ME1: variants seen among roughly 807,000 people sequenced by gnomAD.
The protein encoded by ME1 is NADP-dependent malic enzyme.
In ME1, 74 loss-of-function variants were observed where a neutral mutation model predicts 66.4. The observed-to-expected ratio is 1.11, with a 90% CI of 0.92 to 1.35. The LOEUF (loss-of-function observed/expected upper bound fraction) is 1.35. ME1 is among the 40% of genes most tolerant of loss of function. The pLI is 0.00. For missense variants in ME1, 750 were observed against 694.1 expected (o/e 1.08, Z -0.90); for synonymous variants, 251 against 235.6 (o/e 1.07, Z -0.60).
intron 2 of ME1, among the ~76,000 whole-genome samples, chr6:83,406,971 T>TACAC (rs59788379): frequency 0.062 from 8,855 of 143,890 alleles, 287 homozygotes; most frequent in Admixed American, 0.098. Flanking sequence ...TTTTCATTCA[T>TACAC]ACACACACAC....
chr6:83,247,696 G>A (rs1034430535), intron 7 of ME1, among the ~76,000 whole-genome samples: 3 of 152,028 alleles, frequency 2.0e-5, no homozygotes, highest in African/African-American at 7.2e-5. Context: ...AAGAACATAA[G>A]GTTAAAAAGG....
At chr6:83,243,060 C>T (rs902219919) in intron 7 of ME1, among the ~76,000 whole-genome samples, 1 of 151,718 alleles carries the variant, frequency 6.6e-6, no homozygotes, top group Non-Finnish European at 1.5e-5. Context: ...GGATTTGAGA[C>T]CAGCCTGGGC....
chr6:83,237,279 G>GAAA (rs58047261), intron 9 of ME1, among the ~76,000 whole-genome samples: 1,216 of 50,376 alleles, frequency 0.024, 86 homozygotes, highest in African/African-American at 0.037. Context: ...AAGAAAGAAA[G>GAAA]GAAGGAAGGA....
chr6:83,423,165 G>GA (rs1020090389), intron 1 of ME1, among the ~76,000 whole-genome samples: 1 of 146,750 alleles, frequency 6.8e-6, no homozygotes, highest in Non-Finnish European at 1.5e-5. Flanking sequence ...TTCTCATCAG[G>GA]AAAAAGAAAG....
In ME1 at chr6:83,346,221, A is replaced by T; in HGVS notation, c.552T>A (p.Asn184Lys). 1.2e-6 allele frequency: 2 copies of T among 1,611,978 alleles called. No homozygotes were observed. The highest frequency in any genetic ancestry group is 1.7e-6 in the Non-Finnish European group (2 of 1,178,776). Residue 184 changes from asparagine (N) to lysine (K), a missense_variant, in exon 5 of 14, where the codon AAT (asparagine) becomes AAA (lysine). Transcript: ENST00000369705. ...LALYTACGGM[N>K]PQECLPVILD... ...GAATGACAGGCAGACATTCTTGAGG[A>T]TTCATCCCTCCGCAAGCTGTATATA...
rs70987744 is a variant in ME1 at position 83,283,248 on chromosome 6, A to AAAG, written c.705-29511_705-29510insCTT. Among the ~76,000 whole-genome samples, 49 of 139,664 alleles carry AAAG rather than the reference A, an allele frequency of 3.5e-4. 3 individuals are homozygous for AAAG. Among genetic ancestry groups the AAAG allele is most frequent in the African/African-American group, 7.4e-4 (26 of 35,104 alleles). 91.6% of individuals were successfully genotyped at this position (139,664 alleles called of 152,430 possible). A position where few individuals can be genotyped will look rare whatever the true frequency, so the allele number is the denominator to read the frequency against. The stretch of plus-strand genomic sequence containing the variant: ...GTCTCAAAAAAAAAAAAAAAAAAAA[A>AAAG]TGATGAGTTCATGTCCTTTGCAGGG... On this transcript the variant is annotated intron_variant, in intron 6 of 13. Coordinates refer to ENST00000369705, the MANE Select transcript of ME1 (RefSeq NM_002395.6).
At chr6:83,422,092 G>C (rs747399054) in intron 1 of ME1, among the ~76,000 whole-genome samples, 2 of 152,134 alleles carry the variant, frequency 1.3e-5, no homozygotes, top group Admixed American at 6.6e-5. Context: ...GAACTCATGA[G>C]AGCAATCCCA....
chr6:83,315,227 C>G (rs542889559), intron 6 of ME1, 83 bp downstream of exon 6: 1 of 771,964 alleles, frequency 1.3e-6, no homozygotes. Context: ...ATTATTAAAC[C>G]ATATTGCATA....
At chr6:83,239,480 C>A (rs1790472074) in intron 8 of ME1, 59 bp downstream of exon 8, 5 of 1,147,994 alleles carry the variant, frequency 4.4e-6, no homozygotes, top group Non-Finnish European at 6.5e-6. Flanking sequence ...AGTTAATGAG[C>A]AATTAACACT....
chr6:83,348,405 G>A (rs564658270), intron 4 of ME1, among the ~76,000 whole-genome samples: 59 of 152,114 alleles, frequency 3.9e-4, no homozygotes, highest in African/African-American at 1.3e-3. Context: ...TCTTTACATA[G>A]GTAAAGTCCA....
chr6:83,429,160 G>A (rs1770432736), intron 1 of ME1, among the ~76,000 whole-genome samples: 1 of 152,172 alleles, frequency 6.6e-6, no homozygotes, highest in African/African-American at 2.4e-5. Flanking sequence ...CTACTCGGGA[G>A]GCTGAGGCAG....
chr6:83,279,223 G>T (rs1329494131), intron 6 of ME1, among the ~76,000 whole-genome samples: 1 of 152,116 alleles, frequency 6.6e-6, no homozygotes, highest in African/African-American at 2.4e-5. Context: ...ACAAAACCCA[G>T]CATATTAAAG....
chr6:83,262,845 T>G (rs1459505649), intron 6 of ME1, among the ~76,000 whole-genome samples: 2 of 152,182 alleles, frequency 1.3e-5, no homozygotes, highest in Non-Finnish European at 2.9e-5. Context: ...GTAAGATACC[T>G]TCTATCTTAT....
chr6:83,256,739 C>T (rs377406754), intron 6 of ME1, among the ~76,000 whole-genome samples: 1 of 152,066 alleles, frequency 6.6e-6, no homozygotes, highest in African/African-American at 2.4e-5. Flanking sequence ...GACACACGCA[C>T]ATGTATGTTT....
intron 3 of ME1, among the ~76,000 whole-genome samples, chr6:83,371,096 A>G (rs1200783670): frequency 6.6e-6 from 1 of 152,130 alleles, no homozygotes; most frequent in African/African-American, 2.4e-5. Context: ...CATTAATACA[A>G]CTTTCATTAA....
intron 6 of ME1, among the ~76,000 whole-genome samples, chr6:83,285,142 G>C (rs1192012599): frequency 6.6e-6 from 1 of 152,026 alleles, no homozygotes; most frequent in Non-Finnish European, 1.5e-5. Flanking sequence ...TGATTAATAC[G>C]ACAACCTTAA....
At chr6:83,234,795 G>A (rs1790366990) in intron 9 of ME1, among the ~76,000 whole-genome samples, 1 of 152,072 alleles carries the variant, frequency 6.6e-6, no homozygotes, top group African/African-American at 2.4e-5. Flanking sequence ...CTCATCTTCA[G>A]GGTTCGGAAA....
At chr6:83,259,468 A>G (rs1766842144) in intron 6 of ME1, among the ~76,000 whole-genome samples, 1 of 152,196 alleles carries the variant, frequency 6.6e-6, no homozygotes, top group Non-Finnish European at 1.5e-5. Context: ...GAACTCAAAT[A>G]AGGAAAAGAG....
chr6:83,425,064 G>A (rs1770343180), intron 1 of ME1, among the ~76,000 whole-genome samples: 1 of 152,180 alleles, frequency 6.6e-6, no homozygotes, highest in South Asian at 2.1e-4. Context: ...ACAGGCTGGA[G>A]TGCAGTGGGT....
Sources: allele counts gnomAD v4.1 joint callset (sites outside exome capture counted in the v4.1 genomes callset), GRCh38; gene constraint gnomAD v4.1.1; transcripts MANE v1.5; gene names NCBI Gene and HGNC (gene_info 2026-07-23, HGNC 2026-07-21).